CHST1: variants seen among roughly 807,000 people sequenced by gnomAD.
CHST1 encodes the protein carbohydrate sulfotransferase 1.
CHST1 carries 10 observed loss-of-function variants against 22.5 expected under a neutral mutation model. The ratio of observed to expected loss-of-function variants is 0.44; its 90% confidence interval spans 0.27 to 0.75. The LOEUF is 0.75. Among genes scored for constraint, CHST1 ranks in the 30% least tolerant of loss-of-function variants. The pLI, the probability that CHST1 is intolerant of heterozygous loss-of-function variation, is 0.15. For synonymous variants in CHST1, 267 were observed against 264.5 expected, an observed-to-expected ratio of 1.01 and a Z score of -0.09; for missense variants, 439 against 576.1, an observed-to-expected ratio of 0.76 and a Z score of 2.44.
Position 45,649,997 on chromosome 11 carries a change from A to T in CHST1, c.927T>A (p.Pro309=). The part of the protein sequence containing the change: ...LVRYEDLARN[P]MKKTEEIYGF... ...CGTAGATCTCCTCGGTCTTCTTCAT[A>T]GGGTTCCGAGCCAGGTCCTCGTAGC... Residue 309 remains proline, a synonymous_variant, in exon 4 of 4, where the codon CCT becomes CCA. Transcript: ENST00000308064. 1 of 1,613,796 alleles carries T rather than the reference A, an allele frequency of 6.2e-7. No individual in the cohort carries two copies. Among genetic ancestry groups the T allele is most frequent in the African/African-American group, 1.3e-5 (1 of 74,958 alleles).
chr11:45,660,696 C>A lies in CHST1; in HGVS notation c.-227+4482G>T, dbSNP rs562372703. Among the ~76,000 whole-genome samples, 4 of 152,372 alleles carry A rather than the reference C, an allele frequency of 2.6e-5. No individual in the cohort carries two copies. In the South Asian group the frequency reaches 8.3e-4, roughly 32 times the overall value. On this transcript the variant is annotated intron_variant, in intron 1 of 3. Coordinates refer to ENST00000308064, the MANE Select transcript of CHST1 (RefSeq NM_003654.6). ...TCGTCTGTCTGTTTCACCTGCCCTGCAGAATCCTTGAAGGACAGCACCAGC... is the reference window on the plus strand; with the variant it reads ...TCGTCTGTCTGTTTCACCTGCCCTGAAGAATCCTTGAAGGACAGCACCAGC...
In CHST1 at chr11:45,653,690, C is replaced by T. The variant is rs546585985; in HGVS notation, c.-226-1084G>A. 2.6e-5 allele frequency among the ~76,000 whole-genome samples: 4 copies of T among 152,304 alleles called. No homozygotes were observed. The South Asian group carries it at 6.2e-4, about 24-fold the overall frequency. ...GCTGCAGCATCATTTCATTTGGATA[C>T]GCTTCCTTTGTATTTATTCACAGAC... On this transcript the variant is annotated intron_variant, in intron 1 of 3. Coordinates refer to ENST00000308064, the MANE Select transcript of CHST1 (RefSeq NM_003654.6).
At chr11:45,654,344 C>T (rs1032594232) in intron 1 of CHST1, among the ~76,000 whole-genome samples, 3 of 152,202 alleles carry the variant, frequency 2.0e-5, no homozygotes, top group Admixed American at 6.5e-5. Context: ...GCCTGGACAC[C>T]GAGGAGGGGC....
At position 45,651,026 on chromosome 11, in the gene CHST1, TG is replaced by T. The variant is rs1851992486; in HGVS notation, c.-42-62del. ...ACGGCGGGGGCACTGGCTTGTCCCTTGGAAGAGCCGGTCTCCAAGGGGCCCA... is the reference window on the plus strand; with the variant it reads ...ACGGCGGGGGCACTGGCTTGTCCCTTGAAGAGCCGGTCTCCAAGGGGCCCA... On this transcript the variant is annotated intron_variant, in intron 3 of 3. Coordinates refer to ENST00000308064, the MANE Select transcript of CHST1 (RefSeq NM_003654.6). 3 of 1,294,864 alleles carry T rather than the reference TG, an allele frequency of 2.3e-6. No individual in the cohort carries two copies. In the African/African-American group the frequency reaches 4.5e-5, roughly 19 times the overall value. The allele number at this position is 1,294,864 out of a possible 1,614,324, so 80.2% of individuals were successfully genotyped here.
At chr11:45,655,859 T>G (rs1037220242) in intron 1 of CHST1, among the ~76,000 whole-genome samples, 2 of 152,238 alleles carry the variant, frequency 1.3e-5, no homozygotes, top group Non-Finnish European at 2.9e-5. Flanking sequence ...CCTGGTGTTC[T>G]CTATAATCCC....
chr11:45,651,941 G>C (rs1353245037), intron 3 of CHST1, 52 bp downstream of exon 3: 1 of 152,468 alleles, frequency 6.6e-6, no homozygotes, highest in Non-Finnish European at 1.5e-5. Context: ...CCAGACCTGA[G>C]TGGGGGCTGG....
chr11:45,657,605 A>T (rs1852078282), intron 1 of CHST1, among the ~76,000 whole-genome samples: 3 of 152,300 alleles, frequency 2.0e-5, no homozygotes, highest in African/African-American at 7.2e-5. Context: ...AAATCCAAAG[A>T]CGAGTTTCAT....
At chr11:45,663,391 C>T (rs947800549) in intron 1 of CHST1, among the ~76,000 whole-genome samples, 1 of 152,184 alleles carries the variant, frequency 6.6e-6, no homozygotes, top group African/African-American at 2.4e-5. Context: ...GGATACATCC[C>T]TCTCCCAGCA....
Position 45,665,300 on chromosome 11 carries a change from C to A in CHST1, c.-349G>T, listed in dbSNP as rs1015020672. 1.7e-4 allele frequency: 26 copies of A among 152,238 alleles called. No individual in the cohort carries two copies. Among genetic ancestry groups the A allele is most frequent in the African/African-American group, 6.3e-4 (26 of 41,418 alleles). 9.4% of individuals were successfully genotyped at this position (152,238 alleles called of 1,614,324 possible). ...CGGCAGCAGCCGCGGCGGCATCCTC[C>A]GCCTCCCGCGCCCTCCTCCTCGGCC... On this transcript the variant is annotated 5_prime_UTR_variant, in exon 1 of 4. Coordinates refer to ENST00000308064, the MANE Select transcript of CHST1 (RefSeq NM_003654.6). The surrounding 1 kb of genome is among the most constrained non-coding windows in gnomAD (Gnocchi z 4.0).
In CHST1 at chr11:45,651,076, G is replaced by C. The variant is rs530895764; in HGVS notation, c.-42-111C>G. 807 of 728,676 alleles carry C rather than the reference G, an allele frequency of 1.1e-3. 3 individuals are homozygous for C. The highest frequency in any genetic ancestry group is 1.4e-3 in the Non-Finnish European group (670 of 468,464). The allele number at this position is 728,676 out of a possible 1,614,324, so 45.1% of individuals were successfully genotyped here. A position where few individuals can be genotyped will look rare whatever the true frequency, so the allele number is the denominator to read the frequency against. Reference sequence around the variant, plus strand: ...CAGGGAAAGGCCCGGCTCCTGTCCAGTGCTCACCACACACCCTGAAGACCT... The same window carrying C: ...CAGGGAAAGGCCCGGCTCCTGTCCACTGCTCACCACACACCCTGAAGACCT... On this transcript the variant is annotated intron_variant, in intron 3 of 3. Coordinates refer to ENST00000308064, the MANE Select transcript of CHST1 (RefSeq NM_003654.6).
chr11:45,650,710 C>T lies in CHST1; in HGVS notation c.214G>A (p.Gly72Ser), dbSNP rs777846504. Reference protein sequence around the residue: ...HILILATTRSGSSFVGQLFNQ... With the variant: ...HILILATTRSSSSFVGQLFNQ... Reference sequence around the variant, plus strand: ...AAGAGCTGGCCCACGAAGGAGGAGCCACTGCGCGTGGTGGCCAGGATGAGG... The same window carrying T: ...AAGAGCTGGCCCACGAAGGAGGAGCTACTGCGCGTGGTGGCCAGGATGAGG... Residue 72 changes from glycine (G) to serine (S), a missense_variant, in exon 4 of 4, where the codon GGC becomes AGC. Coordinates refer to ENST00000308064, the MANE Select transcript of CHST1 (RefSeq NM_003654.6). 1 of 1,614,110 alleles carries T rather than the reference C, an allele frequency of 6.2e-7. No homozygotes were observed. The highest frequency in any genetic ancestry group is 8.5e-7 in the Non-Finnish European group (1 of 1,180,002).
In CHST1 at chr11:45,650,404, G is replaced by A. The variant is rs1851978569; in HGVS notation, c.520C>T (p.Leu174=). Residue 174 remains leucine (L), a synonymous_variant, in exon 4 of 4, where the codon CTG becomes TTG. Coordinates refer to ENST00000308064, the MANE Select transcript of CHST1 (RefSeq NM_003654.6). ...PVCDPPGPAD[L]VLEEGDCVRK... ...ACACAGTCCCCCTCCTCCAGGACCAGGTCGGCTGGCCCCGGAGGGTCGCAC... is the reference window on the plus strand; with the variant it reads ...ACACAGTCCCCCTCCTCCAGGACCAAGTCGGCTGGCCCCGGAGGGTCGCAC... The A allele has an allele frequency of 1.9e-6, 3 of 1,606,080 alleles. No individual in the cohort carries two copies. The highest frequency in any genetic ancestry group is 2.5e-6 in the Non-Finnish European group (3 of 1,179,720).
intron 1 of CHST1, among the ~76,000 whole-genome samples, chr11:45,662,936 C>T (rs7121696): frequency 0.46 from 69,440 of 151,948 alleles, 17,697 homozygotes; most frequent in African/African-American, 0.69. Context: ...GGAGTTGGTC[C>T]AAGTCCCGCC....
intron 1 of CHST1, among the ~76,000 whole-genome samples, chr11:45,664,182 C>T (rs990911184): frequency 1.3e-5 from 2 of 152,310 alleles, no homozygotes; most frequent in Non-Finnish European, 2.9e-5. Context: ...CCAGCTCCTC[C>T]CACCCCTCCA....
intron 3 of CHST1, 28 bp from the exon 4 acceptor site, chr11:45,650,993 G>A: frequency 1.0e-5 from 15 of 1,478,042 alleles, no homozygotes; most frequent in Non-Finnish European, 1.3e-5. Flanking sequence ...CAGCGGTCAG[G>A]TGCCTCCACG....
intron 1 of CHST1, among the ~76,000 whole-genome samples, chr11:45,655,807 A>T (rs1852055484): frequency 6.6e-6 from 1 of 152,190 alleles, no homozygotes; most frequent in Non-Finnish European, 1.5e-5. Context: ...CCTCAGTTAC[A>T]CCATAGATCC....
chr11:45,650,198 C>G lies in CHST1; in HGVS notation c.726G>C (p.Ser242=), dbSNP rs111740567. 1.9e-4 allele frequency: 301 copies of G among 1,611,762 alleles called. No homozygotes were observed. Among genetic ancestry groups the G allele is most frequent in the Non-Finnish European group, 2.3e-4 (277 of 1,179,980 alleles). The part of the protein sequence containing the change: ...LVRDPRGILA[S]RSETFRDTYR... ...ACGTGTCGCGGAAGGTCTCGCTGCGCGAAGCCAGAATGCCGCGGGGGTCTC... is the reference window on the plus strand; with the variant it reads ...ACGTGTCGCGGAAGGTCTCGCTGCGGGAAGCCAGAATGCCGCGGGGGTCTC... The change falls in exon 4 of 4, where the codon TCG becomes TCC. Residue 242 remains serine, a synonymous_variant. Coordinates refer to ENST00000308064, the MANE Select transcript of CHST1 (RefSeq NM_003654.6).
At chr11:45,663,788 C>T (rs916241895) in intron 1 of CHST1, among the ~76,000 whole-genome samples, 2 of 152,062 alleles carry the variant, frequency 1.3e-5, no homozygotes, top group African/African-American at 2.4e-5. Flanking sequence ...TGCAGGGGTT[C>T]AAGGCTCAAG....
intron 1 of CHST1, among the ~76,000 whole-genome samples, chr11:45,661,614 C>T (rs920370960): frequency 6.6e-6 from 1 of 152,164 alleles, no homozygotes; most frequent in Non-Finnish European, 1.5e-5. Context: ...TGGGCTCTGG[C>T]CATACAAGCA....
Sources: gnomAD v4.1 joint callset for allele counts (sites outside exome capture counted in the v4.1 genomes callset) on GRCh38, gnomAD v4.1.1 for gene constraint, Gnocchi (gnomAD v3.1) non-coding constraint, MANE v1.5 for transcripts, NCBI Gene and HGNC (gene_info 2026-07-23, HGNC 2026-07-21) for gene names.